DAGLA: variants seen among roughly 807,000 people sequenced by gnomAD.
DAGLA encodes diacylglycerol lipase alpha, also known as diacylglycerol lipase-alpha.
DAGLA carries 22 observed loss-of-function variants against 102.6 expected under a neutral mutation model. The ratio of observed to expected loss-of-function variants is 0.21; its 90% confidence interval spans 0.15 to 0.31. DAGLA has a LOEUF of 0.31. Ranked by LOEUF, DAGLA falls within the 10% of genes least tolerant of loss-of-function variation. DAGLA has a pLI of 1.00. For synonymous variants in DAGLA, 578 were observed against 628.9 expected (o/e 0.92, Z 1.21); for missense variants, 927 against 1,446.6 (o/e 0.64, Z 5.83).
Position 61,743,615 on chromosome 11 carries a change from A to G in DAGLA, c.2255A>G (p.Gln752Arg), listed in dbSNP as rs2135615765. 1 of 1,586,464 alleles carries G rather than the reference A, an allele frequency of 6.3e-7. No individual in the cohort carries two copies. Among genetic ancestry groups the G allele is most frequent in the East Asian group, 2.2e-5 (1 of 44,610 alleles). Residue 752 changes from glutamine (Q) to arginine (R), a missense_variant, in exon 20 of 20, where the codon CAG (glutamine) becomes CGG (arginine). By Grantham distance (43) the Gln-to-Arg change is conservative. Transcript: ENST00000257215. ...LSPVVAAAARQDPVELLLLST... is the reference protein window; with the variant it reads ...LSPVVAAAARRDPVELLLLST... The stretch of plus-strand genomic sequence containing the variant: ...CCAGTGGTTGCGGCGGCGGCCCGCC[A>G]GGACCCGGTGGAGCTGCTGCTGCTG...
In DAGLA at chr11:61,744,014, G is replaced by A. The variant is rs1403047014; in HGVS notation, c.2654G>A (p.Gly885Glu). Residue 885 changes from glycine to glutamate, a missense_variant, in exon 20 of 20, where the codon GGG (glycine) becomes GAG (glutamate). Gly to Glu is a moderately conservative substitution (Grantham distance 98). Coordinates refer to ENST00000257215, the MANE Select transcript of DAGLA (RefSeq NM_006133.3). The stretch of plus-strand genomic sequence containing the variant: ...GACGAGGAGGAAGAGGTTGGCGGTG[G>A]GGGTGGCGGGCCGGCCTCCCGCGGG... Reference protein sequence around the residue: ...ANDEEEEVGGGGGGPASRGEL... With the variant: ...ANDEEEEVGGEGGGPASRGEL... The A allele has an allele frequency of 9.3e-6, 15 of 1,611,934 alleles. No homozygotes were observed. Among genetic ancestry groups the A allele is most frequent in the Non-Finnish European group, 1.3e-5 (15 of 1,179,684 alleles).
rs966618318 is a variant in DAGLA, at chr11:61,744,037, G to C, written c.2677G>C (p.Gly893Arg). Reference protein sequence around the residue: ...GGGGGGPASRGELALHNGRLG... With the variant: ...GGGGGGPASRRELALHNGRLG... Reference sequence around the variant, plus strand: ...TGGGGGTGGCGGGCCGGCCTCCCGCGGGGAGCTGGCGCTGCACAATGGGCG... The same window carrying C: ...TGGGGGTGGCGGGCCGGCCTCCCGCCGGGAGCTGGCGCTGCACAATGGGCG... Residue 893 changes from glycine to arginine, a missense_variant, in exon 20 of 20, where the codon GGG (glycine) becomes CGG (arginine). Around this residue, in one of 4 missense-constraint regions of DAGLA, gnomAD observed 434 missense variants for 503.3 expected, o/e 0.86. Transcript: ENST00000257215. 1.4e-5 allele frequency: 22 copies of C among 1,612,272 alleles called. No individual in the cohort carries two copies. Among genetic ancestry groups the C allele is most frequent in the Non-Finnish European group, 1.9e-5 (22 of 1,179,818 alleles).
intron 1 of DAGLA, among the ~76,000 whole-genome samples, chr11:61,697,019 T>C (rs2065072779): frequency 6.6e-6 from 1 of 152,060 alleles, no homozygotes; most frequent in South Asian, 2.1e-4. Flanking sequence ...TGGTAGCCTC[T>C]GGGGACTGGC....
At position 61,744,736 on chromosome 11, in the gene DAGLA, C is replaced by A; in HGVS notation, c.*247C>A. On this transcript the variant is annotated 3_prime_UTR_variant, in exon 20 of 20. Transcript: ENST00000257215. ...GGAAGGGTGTGGAGTGGGGAGGAGC[C>A]TGGGCAGCCTGCTGGGTGGGCCACA... 2.2e-6 allele frequency: 1 copy of A among 455,750 alleles called. No individual in the cohort carries two copies. The highest frequency in any genetic ancestry group is 3.9e-6 in the Non-Finnish European group (1 of 257,686). The allele number at this position is 455,750 out of a possible 1,614,324, so 28.2% of individuals were successfully genotyped here.
chr11:61,684,282 A>G lies in DAGLA; in HGVS notation c.-45+3778A>G, dbSNP rs2064968226. Among the ~76,000 whole-genome samples the G allele has an allele frequency of 6.6e-6, 1 of 152,266 alleles. No individual in the cohort carries two copies. The highest frequency in any genetic ancestry group is 1.5e-5 in the Non-Finnish European group (1 of 68,042). On this transcript the variant is annotated intron_variant, in intron 1 of 19. Coordinates refer to ENST00000257215, the MANE Select transcript of DAGLA (RefSeq NM_006133.3). This position sits in a 1 kb window ranked among gnomAD's most constrained non-coding sequence, Gnocchi z 4.5. The stretch of plus-strand genomic sequence containing the variant: ...GGACTGGGCAAGTAGCGCTGGGGGA[A>G]ATATCAATGAGCATGTGGTCAGAGG...
chr11:61,711,108 G>C (rs1176509378), intron 1 of DAGLA, among the ~76,000 whole-genome samples: 3 of 152,170 alleles, frequency 2.0e-5, no homozygotes, highest in Non-Finnish European at 4.4e-5. Flanking sequence ...AGACGTGTTA[G>C]GGCATGAGGG....
At chr11:61,715,944 G>T (rs74567149) in intron 1 of DAGLA, among the ~76,000 whole-genome samples, 6 of 152,292 alleles carry the variant, frequency 3.9e-5, no homozygotes, top group African/African-American at 7.2e-5. Context: ...CTAGCCAGAG[G>T]GGGGGGAGAG....
At chr11:61,688,314 CAAAAAAA>C (rs1186217122) in intron 1 of DAGLA, among the ~76,000 whole-genome samples, 1 of 73,378 alleles carries the variant, frequency 1.4e-5, no homozygotes, top group Non-Finnish European at 2.9e-5. Context: ...AACTCTGTCT[CAAAAAAA>C]AAAAAAAAAA....
chr11:61,700,039 G>A (rs1448293775), intron 1 of DAGLA, among the ~76,000 whole-genome samples: 2 of 152,208 alleles, frequency 1.3e-5, no homozygotes, highest in African/African-American at 4.8e-5. Context: ...GGCTGCCCCA[G>A]CAGTGCCCGG....
At chr11:61,738,313 G>GCCTT in intron 16 of DAGLA, 106 bp downstream of exon 16, 4 of 928,908 alleles carry the variant, frequency 4.3e-6, no homozygotes, top group Non-Finnish European at 4.9e-6. Flanking sequence ...GCCATGGAAG[G>GCCTT]CCAGGGCAGG....
In DAGLA at chr11:61,735,656, A is replaced by C; in HGVS notation, c.1212+12A>C. On this transcript the variant is annotated intron_variant, in intron 11 of 19. Coordinates refer to ENST00000257215, the MANE Select transcript of DAGLA (RefSeq NM_006133.3). The stretch of plus-strand genomic sequence containing the variant: ...CCCTGTCCCCCAAGGTACGCTGCCC[A>C]TGGCTCCCAGCCCCCGGGGGTGCCT... The C allele has an allele frequency of 1.2e-6, 2 of 1,613,742 alleles. No homozygotes were observed. Among genetic ancestry groups the C allele is most frequent in the Non-Finnish European group, 8.5e-7 (1 of 1,179,752 alleles).
chr11:61,741,828 T>C (rs2065483146), intron 19 of DAGLA, among the ~76,000 whole-genome samples: 2 of 151,938 alleles, frequency 1.3e-5, no homozygotes, highest in African/African-American at 4.8e-5. Flanking sequence ...GCCAGGCTGG[T>C]CTTGAACTCC....
rs753606287 is a variant in DAGLA at position 61,744,419 on chromosome 11, G to A, written c.3059G>A (p.Arg1020Gln). Reference protein sequence around the residue: ...SQECLAADKIRTSTPTGHGAS... With the variant: ...SQECLAADKIQTSTPTGHGAS... Reference sequence around the variant, plus strand: ...GAATGCCTGGCGGCTGACAAGATCCGGACTTCTACCCCCACTGGCCACGGA... The same window carrying A: ...GAATGCCTGGCGGCTGACAAGATCCAGACTTCTACCCCCACTGGCCACGGA... The change falls in exon 20 of 20, where the codon CGG (arginine) becomes CAG (glutamine). Residue 1020 changes from arginine (R) to glutamine (Q), a missense_variant. Transcript: ENST00000257215. 5.6e-6 allele frequency: 9 copies of A among 1,609,286 alleles called. No individual in the cohort carries two copies. Among genetic ancestry groups the A allele is most frequent in the Admixed American group, 1.7e-5 (1 of 59,846 alleles).
chr11:61,703,788 G>A (rs2065128790), intron 1 of DAGLA, among the ~76,000 whole-genome samples: 2 of 152,200 alleles, frequency 1.3e-5, no homozygotes, highest in Admixed American at 1.3e-4. Context: ...CAACACTCCT[G>A]TAACAAAAGA....
At chr11:61,726,211 A>T in intron 6 of DAGLA, 129 bp downstream of exon 6, 1 of 818,584 alleles carries the variant, frequency 1.2e-6, no homozygotes. Context: ...CAGCGTGAGC[A>T]AGTATGGCCT....
At chr11:61,691,607 A>T (rs1334017452) in intron 1 of DAGLA, among the ~76,000 whole-genome samples, 1 of 152,260 alleles carries the variant, frequency 6.6e-6, no homozygotes. Context: ...AGAGGGAACA[A>T]ACACAGCCAC....
intron 1 of DAGLA, among the ~76,000 whole-genome samples, chr11:61,719,324 G>A (rs1049717864): frequency 6.6e-6 from 1 of 152,100 alleles, no homozygotes; most frequent in African/African-American, 2.4e-5. Flanking sequence ...GCCAGGAGGG[G>A]TGTGACCCTG....
intron 1 of DAGLA, 57 bp from the exon 2 acceptor site, chr11:61,720,055 T>G (rs1433216418): frequency 1.7e-6 from 2 of 1,208,592 alleles, no homozygotes; most frequent in Non-Finnish European, 2.4e-6. Flanking sequence ...AGGAATGCAG[T>G]GGCCCTGGGT....
intron 5 of DAGLA, 99 bp downstream of exon 5, chr11:61,723,671 T>C: frequency 6.7e-7 from 1 of 1,486,704 alleles, no homozygotes; most frequent in Non-Finnish European, 9.2e-7. Flanking sequence ...CCTCCCAGAC[T>C]GCATGCCAAC....
Sources: allele counts gnomAD v4.1 joint callset (sites outside exome capture counted in the v4.1 genomes callset), GRCh38; gene constraint gnomAD v4.1.1; regional missense constraint gnomAD v4.1.1; non-coding constraint Gnocchi (gnomAD v3.1); transcripts MANE v1.5; gene names NCBI Gene and HGNC (gene_info 2026-07-23, HGNC 2026-07-21).